Variants in CCDC7 observed in about 807,000 individuals in gnomAD.
CCDC7 encodes the protein coiled-coil domain-containing protein 7.
In CCDC7, 183 loss-of-function variants were observed where a neutral mutation model predicts 196.9. The observed-to-expected ratio is 0.93, with a 90% CI of 0.82 to 1.05. The LOEUF is 1.05. CCDC7 is among the 50% of genes least tolerant of loss of function. The pLI is 0.00. For synonymous variants in CCDC7, 525 were observed against 484.6 expected (o/e 1.08, Z -1.10); for missense variants, 1,540 against 1,482.2 (o/e 1.04, Z -0.64).
At chr10:32,545,531 C>T (rs535089466) in intron 13 of CCDC7, among the ~76,000 whole-genome samples, 1 of 152,264 alleles carries the variant, frequency 6.6e-6, no homozygotes, top group Admixed American at 6.5e-5. Flanking sequence ...TACTTATCTC[C>T]ATTTCAAAAT....
At position 32,604,576 on chromosome 10, in the gene CCDC7, T is replaced by C. The variant is rs145762749; in HGVS notation, c.1801+20272T>C. Among the ~76,000 whole-genome samples, 26 of 152,270 alleles carry C rather than the reference T, an allele frequency of 1.7e-4. No individual in the cohort carries two copies. The East Asian group carries it at 5.0e-3, about 29-fold the overall frequency. Reference sequence around the variant, plus strand: ...AGTGAGCATGAGATGTTCTTTAAGTTTTTGTATTCTCTTCAATTTATTTTA... The same window carrying C: ...AGTGAGCATGAGATGTTCTTTAAGTCTTTGTATTCTCTTCAATTTATTTTA... On this transcript the variant is annotated intron_variant, in intron 18 of 41. Coordinates refer to ENST00000639629, the Ensembl canonical transcript of CCDC7.
chr10:32,550,736 C>G (rs1380091932), intron 13 of CCDC7, among the ~76,000 whole-genome samples: 1 of 152,072 alleles, frequency 6.6e-6, no homozygotes, highest in Non-Finnish European at 1.5e-5. Flanking sequence ...CCCTGCATCC[C>G]TGGTATGAAA....
At chr10:32,723,285 CTG>C (rs2082665687) in intron 25 of CCDC7, among the ~76,000 whole-genome samples, 1 of 152,108 alleles carries the variant, frequency 6.6e-6, no homozygotes, top group South Asian at 2.1e-4. Context: ...TTGTTGCTAT[CTG>C]TGCAGCAGCT....
exon 27 of CCDC7, chr10:32,728,889 C>A: frequency 6.4e-7 from 1 of 1,563,728 alleles, no homozygotes; most frequent in Non-Finnish European, 8.8e-7. Context: ...TGATATAGCT[C>A]GTATTGTAGT....
intron 41 of CCDC7, among the ~76,000 whole-genome samples, chr10:32,873,682 A>G (rs537564075): frequency 1.1e-4 from 17 of 152,076 alleles, no homozygotes; most frequent in African/African-American, 3.4e-4. Flanking sequence ...TGATGCTGCT[A>G]TGAACATTCA....
In CCDC7 at chr10:32,571,841, G is replaced by C; in HGVS notation, c.1420-18G>C. On this transcript the variant is annotated intron_variant, in intron 15 of 41. Transcript: ENST00000639629. ...TGCATACTTGATATTTTTAAATGTA[G>C]TATTATCTTTATCACAGATCACTGC... 6.5e-7 allele frequency: 1 copy of C among 1,540,944 alleles called. No individual in the cohort carries two copies. The highest frequency in any genetic ancestry group is 8.7e-7 in the Non-Finnish European group (1 of 1,149,834).
intron 16 of CCDC7, among the ~76,000 whole-genome samples, chr10:32,578,170 G>A (rs573925027): frequency 6.6e-6 from 1 of 152,166 alleles, no homozygotes; most frequent in East Asian, 1.9e-4. Context: ...TTGATATAGT[G>A]CTTTGAAGAA....
chr10:32,484,612 A>C (rs1025512239), intron 8 of CCDC7, among the ~76,000 whole-genome samples: 9 of 152,328 alleles, frequency 5.9e-5, no homozygotes, highest in African/African-American at 1.9e-4. Flanking sequence ...TTGCCCATTC[A>C]GTATGATATT....
rs542567260 is a variant in CCDC7 at position 32,542,009 on chromosome 10, C to T, written c.994-1291C>T. ...ACCCTGCTGCCTTGATGGATAGTAA[C>T]GTGGTTTCTCAGATGATCGGCCTAC... On this transcript the variant is annotated intron_variant, in intron 11 of 41. Coordinates refer to ENST00000639629, the Ensembl canonical transcript of CCDC7. Among the ~76,000 whole-genome samples the T allele has an allele frequency of 2.6e-5, 4 of 152,190 alleles. 1 individual carries two copies. Among genetic ancestry groups the T allele is most frequent in the Admixed American group, 6.5e-5 (1 of 15,282 alleles).
At chr10:32,631,387 A>C (rs1369434960) in intron 18 of CCDC7, among the ~76,000 whole-genome samples, 1 of 152,156 alleles carries the variant, frequency 6.6e-6, no homozygotes, top group East Asian at 1.9e-4. Context: ...AGTTCCCAGC[A>C]CTAGTTTTTG....
chr10:32,809,271 A>G (rs1242034288), intron 30 of CCDC7, among the ~76,000 whole-genome samples: 1 of 152,206 alleles, frequency 6.6e-6, no homozygotes, highest in Non-Finnish European at 1.5e-5. Context: ...AGAATTGAAA[A>G]TAATGATATT....
chr10:32,814,398 A>G, exon 31 of CCDC7: 1 of 1,612,260 alleles, frequency 6.2e-7, no homozygotes, highest in South Asian at 1.1e-5. Flanking sequence ...TGACAGATGC[A>G]TTTGGAAGAG....
At chr10:32,472,993 ATACT>A (rs2038260557) in intron 7 of CCDC7, among the ~76,000 whole-genome samples, 1 of 152,242 alleles carries the variant, frequency 6.6e-6, no homozygotes, top group African/African-American at 2.4e-5. Context: ...AATTTAGATA[ATACT>A]TAATAGTGAG....
chr10:32,456,290 C>A, exon 3 of CCDC7: 1 of 1,569,270 alleles, frequency 6.4e-7, no homozygotes, highest in Non-Finnish European at 8.7e-7. Flanking sequence ...ATATTGTTCG[C>A]AATTTGCAGC....
chr10:32,456,812 C>CT (rs542848651), intron 3 of CCDC7, among the ~76,000 whole-genome samples: 1 of 151,690 alleles, frequency 6.6e-6, no homozygotes, highest in African/African-American at 2.4e-5. Context: ...TTGCAATTGT[C>CT]TTTTTTTTCA....
intron 8 of CCDC7, among the ~76,000 whole-genome samples, chr10:32,487,273 C>T (rs914927170): frequency 3.3e-5 from 5 of 152,132 alleles, no homozygotes; most frequent in Admixed American, 6.5e-5. Flanking sequence ...TCCAGTTGAT[C>T]GAATCGGCTA....
intron 21 of CCDC7, among the ~76,000 whole-genome samples, chr10:32,677,488 C>T (rs2075204617): frequency 6.6e-6 from 1 of 151,838 alleles, no homozygotes; most frequent in East Asian, 1.9e-4. Context: ...CACAATTTTT[C>T]TGGGTGTAGT....
At chr10:32,492,513 A>G (rs1456265116) in intron 9 of CCDC7, among the ~76,000 whole-genome samples, 1 of 152,176 alleles carries the variant, frequency 6.6e-6, no homozygotes, top group Non-Finnish European at 1.5e-5. Context: ...TTGAGTCTTA[A>G]AGGAAATTCT....
chr10:32,684,859 C>T (rs946734089), intron 21 of CCDC7, among the ~76,000 whole-genome samples: 1 of 152,124 alleles, frequency 6.6e-6, no homozygotes, highest in Non-Finnish European at 1.5e-5. Context: ...TGTTAAATAT[C>T]GTATTGATGA....
Sources: gnomAD v4.1 joint callset for allele counts (sites outside exome capture counted in the v4.1 genomes callset) on GRCh38, gnomAD v4.1.1 for gene constraint, MANE v1.5 for transcripts, NCBI Gene and HGNC (gene_info 2026-07-23, HGNC 2026-07-21) for gene names.